The following TMSB15B variants were observed in gnomAD, a reference collection of about 807,000 sequenced individuals.
TMSB15B encodes thymosin beta 15B, also known as thymosin beta-15B.
At chrX:103,932,427 T>C (rs2074987127) in intron 1 of TMSB15B, 1 of 112,285 alleles carries the variant, frequency 8.9e-6, no homozygotes, top group Non-Finnish European at 1.9e-5. Context: ...TCTTTGTTGA[T>C]TGCCGTGATG....
chrX:103,941,785 C>G (rs781991278), intron 1 of TMSB15B, among the ~76,000 whole-genome samples: 1 of 112,033 alleles, frequency 8.9e-6, no homozygotes, highest in South Asian at 3.7e-4. Context: ...ACCTGCTGGC[C>G]AACACTTGGT....
At chrX:103,951,091 C>T (rs1237689287) in intron 1 of TMSB15B, among the ~76,000 whole-genome samples, 1 of 111,952 alleles carries the variant, frequency 8.9e-6, no homozygotes, top group Non-Finnish European at 1.9e-5. Context: ...CTTCACATGG[C>T]CAGCCCTCAG....
chrX:103,952,821 G>A (rs1205244039), intron 1 of TMSB15B, among the ~76,000 whole-genome samples: 1 of 111,237 alleles, frequency 9.0e-6, no homozygotes, highest in African/African-American at 3.3e-5. Context: ...GGATGTGGGG[G>A]GTGTGGTCTT....
In TMSB15B at chrX:103,928,791, G is replaced by A. The variant is rs1402261049; in HGVS notation, c.-721+9499G>A. ...TCACCTGCCTAGTTCTGTATCCTCC[G>A]ATTGTGCTGGCTGCTAATATGCAGT... On this transcript the variant is annotated intron_variant, in intron 1 of 3. Transcript: ENST00000419165. 3.4e-6 allele frequency: 4 copies of A among 1,189,611 alleles called. No homozygotes were observed. In the African/African-American group the frequency reaches 5.3e-5, roughly 16 times the overall value.
chrX:103,928,891 C>T, intron 1 of TMSB15B: 1 of 1,205,824 alleles, frequency 8.3e-7, no homozygotes, highest in Non-Finnish European at 1.1e-6. Flanking sequence ...GGGCCAAAAG[C>T]TTCTCCTGAT....
intron 1 of TMSB15B, among the ~76,000 whole-genome samples, chrX:103,929,203 A>G (rs1255907149): frequency 4.5e-5 from 5 of 112,312 alleles, no homozygotes; most frequent in African/African-American, 1.6e-4. Context: ...AGTATTCCTT[A>G]GTCAAAAAGA....
chrX:103,927,000 C>A (rs1249285274), intron 1 of TMSB15B, among the ~76,000 whole-genome samples: 1 of 110,931 alleles, frequency 9.0e-6, no homozygotes, highest in Non-Finnish European at 1.9e-5. Context: ...TCCTCCCCGG[C>A]AAACTCCCTC....
chrX:103,943,161 G>C (rs2075016960), intron 1 of TMSB15B, among the ~76,000 whole-genome samples: 1 of 111,575 alleles, frequency 9.0e-6, no homozygotes. Context: ...CTGACATATA[G>C]GCATTCCAAA....
At chrX:103,945,526 C>A (rs2075023335) in intron 1 of TMSB15B, among the ~76,000 whole-genome samples, 1 of 112,323 alleles carries the variant, frequency 8.9e-6, no homozygotes, top group Non-Finnish European at 1.9e-5. Context: ...CTGCTTTAAT[C>A]CCTTCATGAG....
chrX:103,938,580 C>T (rs1391923984), intron 1 of TMSB15B, among the ~76,000 whole-genome samples: 2 of 111,987 alleles, frequency 1.8e-5, no homozygotes, highest in African/African-American at 3.3e-5. Context: ...CTGAATACAG[C>T]GCACTGATGG....
intron 1 of TMSB15B, among the ~76,000 whole-genome samples, chrX:103,944,503 G>T (rs1353832518): frequency 1.8e-5 from 2 of 112,251 alleles, no homozygotes; most frequent in Admixed American, 9.4e-5. Flanking sequence ...TACGACTGAT[G>T]GATGAATTTG....
chrX:103,953,666 C>A (rs1293486611), intron 1 of TMSB15B, among the ~76,000 whole-genome samples: 8 of 112,523 alleles, frequency 7.1e-5, no homozygotes, highest in African/African-American at 2.6e-4. Context: ...AGCTGCTCTA[C>A]CAAAACATGG....
chrX:103,940,043 G>A (rs1167496967), intron 1 of TMSB15B, among the ~76,000 whole-genome samples: 8 of 111,640 alleles, frequency 7.2e-5, no homozygotes, highest in Non-Finnish European at 1.1e-4. Flanking sequence ...GTCCCAGAGG[G>A]GCACCAGCCA....
chrX:103,951,326 G>A (rs1556328250), intron 1 of TMSB15B, among the ~76,000 whole-genome samples: 1 of 111,972 alleles, frequency 8.9e-6, no homozygotes, highest in Non-Finnish European at 1.9e-5. Context: ...GGTGCAGATA[G>A]GTGAAATGAT....
intron 1 of TMSB15B, among the ~76,000 whole-genome samples, chrX:103,953,533 C>T (rs2075043950): frequency 8.9e-6 from 1 of 112,674 alleles, no homozygotes; most frequent in Admixed American, 9.3e-5. Context: ...CTACTTGGGA[C>T]AGAGCTCCAA....
intron 1 of TMSB15B, among the ~76,000 whole-genome samples, chrX:103,920,667 T>C (rs2074949783): frequency 8.9e-6 from 1 of 112,861 alleles, no homozygotes; most frequent in Non-Finnish European, 1.9e-5. Context: ...CAAGCCATGC[T>C]TGATGAAGAA....
At chrX:103,920,980 G>A (rs1386529403) in intron 1 of TMSB15B, among the ~76,000 whole-genome samples, 4 of 112,212 alleles carry the variant, frequency 3.6e-5, no homozygotes, top group African/African-American at 1.3e-4. Flanking sequence ...TGGCTAGGAG[G>A]CTCCTGTGGG....
At chrX:103,920,591 G>A (rs1202112168) in intron 1 of TMSB15B, among the ~76,000 whole-genome samples, 3 of 112,667 alleles carry the variant, frequency 2.7e-5, no homozygotes, top group African/African-American at 6.4e-5. Flanking sequence ...TCTGGACTCC[G>A]TACATTCTTC....
chrX:103,926,496 T>C (rs1347793802), intron 1 of TMSB15B, among the ~76,000 whole-genome samples: 2 of 47,669 alleles, frequency 4.2e-5, no homozygotes. Flanking sequence ...TAGAATGAGA[T>C]TGAGGGGATA....
Sources: allele counts gnomAD v4.1 joint callset (sites outside exome capture counted in the v4.1 genomes callset), GRCh38; gene constraint gnomAD v4.1.1; transcripts MANE v1.5; gene names NCBI Gene and HGNC (gene_info 2026-07-23, HGNC 2026-07-21).